SYT16: variants seen among roughly 807,000 people sequenced by gnomAD.
SYT16 encodes the protein synaptotagmin-16.
Under a neutral mutation model 61.4 loss-of-function variants are expected in SYT16, and 42 were observed. The observed-to-expected ratio is 0.68, with a 90% CI of 0.53 to 0.89. SYT16 has a LOEUF of 0.89. Among genes scored for constraint, SYT16 ranks in the 40% least tolerant of loss-of-function variants. The pLI is 0.00. For synonymous variants in SYT16, 314 were observed against 302.3 expected, an observed-to-expected ratio of 1.04 and a Z score of -0.40; for missense variants, 804 against 807.3, an observed-to-expected ratio of 1.00 and a Z score of 0.05.
chr14:61,814,890 C>T (rs2045380954), intron 1 of SYT16, among the ~76,000 whole-genome samples: 1 of 152,298 alleles, frequency 6.6e-6, no homozygotes, highest in East Asian at 1.9e-4. Flanking sequence ...GCCCGAAGTC[C>T]TACAACCTTC....
At chr14:62,094,568 T>C (rs1347211843) in intron 7 of SYT16, among the ~76,000 whole-genome samples, 2 of 152,126 alleles carry the variant, frequency 1.3e-5, no homozygotes, top group Non-Finnish European at 2.9e-5. Flanking sequence ...AGTTTATTCA[T>C]TACCTGATAC....
intron 1 of SYT16, among the ~76,000 whole-genome samples, chr14:61,929,139 C>T (rs983718864): frequency 6.6e-6 from 1 of 152,144 alleles, no homozygotes; most frequent in Non-Finnish European, 1.5e-5. Context: ...AAAGACAGTT[C>T]AGGCTGTTTT....
intron 3 of SYT16, among the ~76,000 whole-genome samples, chr14:62,001,191 C>G (rs79667142): frequency 0.046 from 6,995 of 151,980 alleles, 178 homozygotes; most frequent in African/African-American, 0.061. Context: ...TTGAAAAATG[C>G]GTGACATTTA....
chr14:61,923,140 A>G (rs1420261565), intron 1 of SYT16, among the ~76,000 whole-genome samples: 1 of 152,102 alleles, frequency 6.6e-6, no homozygotes, highest in African/African-American at 2.4e-5. Flanking sequence ...TCTTATAAAT[A>G]TTATGTAGAA....
chr14:61,950,000 C>T (rs1052103254), intron 1 of SYT16, among the ~76,000 whole-genome samples: 2 of 152,038 alleles, frequency 1.3e-5, no homozygotes, highest in Non-Finnish European at 2.9e-5. Flanking sequence ...GTCTACTTTG[C>T]GAATTAAGAG....
intron 1 of SYT16, among the ~76,000 whole-genome samples, chr14:61,842,043 A>G (rs1336921977): frequency 3.3e-5 from 5 of 151,970 alleles, no homozygotes; most frequent in Non-Finnish European, 7.4e-5. Flanking sequence ...ATTAAATTTT[A>G]ATTTGTGTGG....
At chr14:61,895,067 A>G (rs2048279436) in intron 1 of SYT16, among the ~76,000 whole-genome samples, 1 of 152,154 alleles carries the variant, frequency 6.6e-6, no homozygotes, top group Non-Finnish European at 1.5e-5. Context: ...GGCAGAAACA[A>G]CGGGGGCTCT....
chr14:61,837,499 GAGTAGCTGT>G (rs2046169292), intron 1 of SYT16, among the ~76,000 whole-genome samples: 1 of 152,074 alleles, frequency 6.6e-6, no homozygotes, highest in South Asian at 2.1e-4. Context: ...TCAGCCTCCC[GAGTAGCTGT>G]GATTACAGGC....
At position 62,060,524 on chromosome 14, in the gene SYT16, T is replaced by A. The variant is rs1032649207; in HGVS notation, c.524-9079T>A. Reference sequence around the variant, plus strand: ...TAGGATGGTGAAATTTTTTTTTTTTTATCAGAAATTGACAATAAATTCTGT... The same window carrying A: ...TAGGATGGTGAAATTTTTTTTTTTTAATCAGAAATTGACAATAAATTCTGT... On this transcript the variant is annotated intron_variant, in intron 3 of 7. Transcript: ENST00000683842. 2.3e-4 allele frequency among the ~76,000 whole-genome samples: 34 copies of A among 150,046 alleles called. 1 individual carries two copies. Among genetic ancestry groups the A allele is most frequent in the African/African-American group, 5.9e-4 (24 of 40,882 alleles).
chr14:62,058,796 G>C (rs1022078931), intron 3 of SYT16, among the ~76,000 whole-genome samples: 3 of 152,042 alleles, frequency 2.0e-5, no homozygotes, highest in African/African-American at 7.2e-5. Flanking sequence ...AAATTTTGTC[G>C]ATAGCAAAGA....
At chr14:62,012,111 A>C (rs1427913649) in intron 3 of SYT16, among the ~76,000 whole-genome samples, 5 of 152,018 alleles carry the variant, frequency 3.3e-5, no homozygotes, top group Admixed American at 2.6e-4. Flanking sequence ...GTGGCTTAAA[A>C]CAACACACAT....
intron 1 of SYT16, among the ~76,000 whole-genome samples, chr14:61,915,293 C>T (rs905266345): frequency 1.3e-5 from 2 of 151,970 alleles, no homozygotes; most frequent in Non-Finnish European, 2.9e-5. Flanking sequence ...AGATACTTAA[C>T]ATTTGAAGAA....
chr14:61,950,163 C>T (rs1343415556), intron 1 of SYT16, among the ~76,000 whole-genome samples: 1 of 152,148 alleles, frequency 6.6e-6, no homozygotes, highest in East Asian at 1.9e-4. Context: ...TTTCAAGGAG[C>T]AATACATGTT....
At chr14:61,887,257 A>G (rs2047944452) in intron 1 of SYT16, among the ~76,000 whole-genome samples, 1 of 152,174 alleles carries the variant, frequency 6.6e-6, no homozygotes, top group African/African-American at 2.4e-5. Flanking sequence ...TGGGCTTACA[A>G]TATTTAGTAA....
intron 7 of SYT16, among the ~76,000 whole-genome samples, chr14:62,086,928 T>A (rs74054971): frequency 1.3e-5 from 2 of 152,122 alleles, no homozygotes; most frequent in Admixed American, 1.3e-4. Context: ...AGACAAAAGT[T>A]TTTTGTCTCT....
chr14:61,926,626 G>A (rs1320339378), intron 1 of SYT16, among the ~76,000 whole-genome samples: 16 of 152,202 alleles, frequency 1.1e-4, no homozygotes, highest in Admixed American at 3.3e-4. Flanking sequence ...TATTGGTCTC[G>A]TGGGAGAATT....
intron 3 of SYT16, among the ~76,000 whole-genome samples, chr14:62,049,171 A>G (rs367596636): frequency 1.2e-4 from 19 of 152,066 alleles, no homozygotes; most frequent in African/African-American, 3.4e-4. Flanking sequence ...TGTATTGGGT[A>G]CATATATATT....
At chr14:62,024,550 G>C (rs78966085) in intron 3 of SYT16, among the ~76,000 whole-genome samples, 6,967 of 152,024 alleles carry the variant, frequency 0.046, 263 homozygotes, top group African/African-American at 0.11. Flanking sequence ...CATACACCCT[G>C]TGTTCTCCAT....
intron 1 of SYT16, among the ~76,000 whole-genome samples, chr14:61,860,150 A>C (rs1487870001): frequency 6.6e-6 from 1 of 152,240 alleles, no homozygotes; most frequent in Non-Finnish European, 1.5e-5. Context: ...TAGGTTGCAC[A>C]AAGGTTTTAT....
Sources: gnomAD v4.1 joint callset for allele counts (sites outside exome capture counted in the v4.1 genomes callset) on GRCh38, gnomAD v4.1.1 for gene constraint, MANE v1.5 for transcripts, NCBI Gene and HGNC (gene_info 2026-07-23, HGNC 2026-07-21) for gene names.